Variants in GRM3 observed in about 807,000 individuals in gnomAD.
The protein encoded by GRM3 is metabotropic glutamate receptor 3.
A neutral mutation model predicts 70.5 loss-of-function variants in GRM3; 26 were observed. The observed-to-expected ratio is 0.37, with a 90% CI of 0.27 to 0.51. The LOEUF (loss-of-function observed/expected upper bound fraction) is 0.51, where lower values mean the gene tolerates loss of function less well. GRM3 is among the 20% of genes least tolerant of loss of function. The probability of loss-of-function intolerance (pLI) is 0.93; values close to 1 mark genes in which losing one functional copy is unlikely to be tolerated. For missense variants in GRM3, 859 were observed against 1,123.8 expected (o/e 0.76, Z 3.37); for synonymous variants, 443 against 434.9 (o/e 1.02, Z -0.23).
chr7:86,810,529 T>C (rs1797889220), intron 3 of GRM3, among the ~76,000 whole-genome samples: 2 of 152,046 alleles, frequency 1.3e-5, no homozygotes, highest in Non-Finnish European at 2.9e-5. Flanking sequence ...CCACTTCACA[T>C]AATATATTGA....
intron 3 of GRM3, among the ~76,000 whole-genome samples, chr7:86,830,727 A>G (rs6944719): frequency 0.38 from 57,514 of 152,044 alleles, 13,759 homozygotes; most frequent in African/African-American, 0.69. Context: ...GGTTGTTATG[A>G]GTTGAATTGT....
At chr7:86,800,412 A>T (rs189668830) in intron 3 of GRM3, among the ~76,000 whole-genome samples, 43 of 152,352 alleles carry the variant, frequency 2.8e-4, no homozygotes, top group African/African-American at 1.0e-3. Context: ...TAATAAAGAA[A>T]AGAGAGAAGA....
chr7:86,734,245 C>A (rs1318865400), intron 1 of GRM3, among the ~76,000 whole-genome samples: 1 of 152,148 alleles, frequency 6.6e-6, no homozygotes, highest in Non-Finnish European at 1.5e-5. Context: ...ATCAGTTAAG[C>A]ATCAATATAC....
chr7:86,661,405 T>A (rs1164462409), intron 1 of GRM3, among the ~76,000 whole-genome samples: 1 of 151,976 alleles, frequency 6.6e-6, no homozygotes, highest in East Asian at 1.9e-4. Flanking sequence ...CTTTTTGTTA[T>A]GTTGGGCCCT....
intron 2 of GRM3, among the ~76,000 whole-genome samples, chr7:86,774,099 T>A (rs527946523): frequency 3.3e-5 from 5 of 152,286 alleles, no homozygotes; most frequent in African/African-American, 1.2e-4. Context: ...ACACTTCTGA[T>A]TAAACCTATG....
chr7:86,748,464 C>A (rs548406911), intron 1 of GRM3, among the ~76,000 whole-genome samples: 17 of 152,060 alleles, frequency 1.1e-4, no homozygotes, highest in Non-Finnish European at 2.2e-4. Flanking sequence ...CACATGCAGA[C>A]TAGATTTCAT....
intron 1 of GRM3, among the ~76,000 whole-genome samples, chr7:86,691,167 A>G (rs1199253493): frequency 1.3e-5 from 2 of 152,100 alleles, no homozygotes; most frequent in Non-Finnish European, 2.9e-5. Context: ...TTACCTCCAA[A>G]TCAGATATAA....
chr7:86,710,856 G>GTTA (rs1193268214), intron 1 of GRM3, among the ~76,000 whole-genome samples: 5 of 151,960 alleles, frequency 3.3e-5, no homozygotes, highest in Non-Finnish European at 7.4e-5. Flanking sequence ...AAGGTAGATT[G>GTTA]TTATTATTAT....
At chr7:86,776,437 C>A (rs1168313157) in intron 2 of GRM3, among the ~76,000 whole-genome samples, 1 of 152,080 alleles carries the variant, frequency 6.6e-6, no homozygotes, top group Admixed American at 6.6e-5. Flanking sequence ...AACAAGAAAA[C>A]AATGAATAAC....
intron 5 of GRM3, among the ~76,000 whole-genome samples, chr7:86,863,435 T>C (rs1171554097): frequency 6.6e-6 from 1 of 152,160 alleles, no homozygotes; most frequent in Non-Finnish European, 1.5e-5. Flanking sequence ...CTCTCAGTTA[T>C]GGAGGCTGAA....
chr7:86,828,714 G>C (rs1371298562), intron 3 of GRM3, among the ~76,000 whole-genome samples: 1 of 152,166 alleles, frequency 6.6e-6, no homozygotes, highest in Non-Finnish European at 1.5e-5. Context: ...TAGGGTGGTG[G>C]TTGCTGAAGA....
At chr7:86,781,734 A>G (rs1797067935) in intron 2 of GRM3, among the ~76,000 whole-genome samples, 1 of 152,136 alleles carries the variant, frequency 6.6e-6, no homozygotes, top group Non-Finnish European at 1.5e-5. Context: ...TTGCTTATTT[A>G]TGCTTTTTTC....
At chr7:86,777,202 A>C (rs1488688972) in intron 2 of GRM3, among the ~76,000 whole-genome samples, 1 of 152,176 alleles carries the variant, frequency 6.6e-6, no homozygotes. Context: ...ATATCACTTC[A>C]ACCTAAATGA....
chr7:86,843,900 T>C lies in GRM3; in HGVS notation c.2391+3995T>C, dbSNP rs183514849. Among the ~76,000 whole-genome samples the C allele has an allele frequency of 1.7e-3, 261 of 152,260 alleles. 1 individual carries two copies. The highest frequency in any genetic ancestry group is 5.8e-3 in the African/African-American group (241 of 41,554). On this transcript the variant is annotated intron_variant, in intron 4 of 5. Transcript: ENST00000361669. ...GGGTTACTGCAGTTTATCTCAAATTTTAACGTGCATGCAAATCACCTGGGG... is the reference window on the plus strand; with the variant it reads ...GGGTTACTGCAGTTTATCTCAAATTCTAACGTGCATGCAAATCACCTGGGG...
chr7:86,644,610 G>A lies in GRM3; in HGVS notation c.-403G>A. ...TCCCCACTGACTCGGATGCCTGGAT[G>A]TTCTGCCACCGGGCAGTGGTCCAGC... On this transcript the variant is annotated 5_prime_UTR_variant, in exon 1 of 6. The change abolishes an upstream ATG in the 5' untranslated region. Transcript: ENST00000361669. 6.9e-6 allele frequency: 3 copies of A among 433,782 alleles called. No homozygotes were observed. The highest frequency in any genetic ancestry group is 1.4e-5 in the Non-Finnish European group (3 of 217,736). 26.9% of individuals were successfully genotyped at this position (433,782 alleles called of 1,614,324 possible).
At chr7:86,825,073 C>T (rs1275148977) in intron 3 of GRM3, among the ~76,000 whole-genome samples, 2 of 152,018 alleles carry the variant, frequency 1.3e-5, no homozygotes, top group East Asian at 1.9e-4. Flanking sequence ...AATTTTTATT[C>T]TTTTCATTTT....
intron 1 of GRM3, among the ~76,000 whole-genome samples, chr7:86,733,129 A>C (rs1207190256): frequency 6.6e-6 from 1 of 151,988 alleles, no homozygotes; most frequent in Non-Finnish European, 1.5e-5. Context: ...CCTGGCTAAC[A>C]TGGTGAAACC....
chr7:86,809,632 T>A (rs1320318423), intron 3 of GRM3, among the ~76,000 whole-genome samples: 1 of 152,040 alleles, frequency 6.6e-6, no homozygotes, highest in Admixed American at 6.6e-5. Flanking sequence ...GATGAATGTG[T>A]TATGTCATTT....
chr7:86,800,264 T>C (rs776404730), intron 3 of GRM3, among the ~76,000 whole-genome samples: 4 of 151,974 alleles, frequency 2.6e-5, no homozygotes, highest in Non-Finnish European at 5.9e-5. Context: ...CCCAAAGTTA[T>C]CAGAAGACAA....
Sources: gnomAD v4.1 joint callset for allele counts (sites outside exome capture counted in the v4.1 genomes callset) on GRCh38, gnomAD v4.1.1 for gene constraint, MANE v1.5 for transcripts, NCBI Gene and HGNC (gene_info 2026-07-23, HGNC 2026-07-21) for gene names.